Variants in ADA observed in about 807,000 individuals in gnomAD.
ADA encodes the protein adenosine deaminase.
In ADA, 45 loss-of-function variants were observed where a neutral mutation model predicts 49.0. The ratio of observed to expected loss-of-function variants is 0.92; its 90% CI spans 0.72 to 1.18. The LOEUF is 1.18. Ranked by LOEUF, ADA falls within the 50% of genes most tolerant of loss-of-function variation. The pLI, the probability that ADA is intolerant of heterozygous loss-of-function variation, is 0.00. For synonymous variants in ADA, 173 were observed against 184.2 expected, an observed-to-expected ratio of 0.94 and a Z score of 0.49; for missense variants, 445 against 472.5, an observed-to-expected ratio of 0.94 and a Z score of 0.54.
At chr20:44,647,896 A>G (rs1244514324) in intron 1 of ADA, among the ~76,000 whole-genome samples, 1 of 151,908 alleles carries the variant, frequency 6.6e-6, no homozygotes, top group Non-Finnish European at 1.5e-5. Context: ...CAGCCTGGGC[A>G]ACAGAGTGAG....
At chr20:44,644,134 C>G (rs1223040888) in intron 1 of ADA, among the ~76,000 whole-genome samples, 1 of 136,004 alleles carries the variant, frequency 7.4e-6, no homozygotes, top group East Asian at 2.9e-4. Context: ...GCCTTGGGGA[C>G]AACTAATCTG....
rs1312880394 is a variant in ADA at position 44,642,824 on chromosome 20, C to T, written c.34-6536G>A. Among the ~76,000 whole-genome samples, 3 of 152,268 alleles carry T rather than the reference C, an allele frequency of 2.0e-5. No homozygotes were observed. In the East Asian group the frequency reaches 5.8e-4, roughly 29 times the overall value. Reference sequence around the variant, plus strand: ...AAGGCAGCGTCAGAGACAGTGGGTGCTCAGCGGGGCAGAAGCCAGACAGTG... The same window carrying T: ...AAGGCAGCGTCAGAGACAGTGGGTGTTCAGCGGGGCAGAAGCCAGACAGTG... On this transcript the variant is annotated intron_variant, in intron 1 of 11. Transcript: ENST00000372874.
chr20:44,623,021 C>T lies in ADA; in HGVS notation c.664G>A (p.Glu222Lys), dbSNP rs371353841. ...TVHAGEVGSA[E>K]VVKEAVDILK... ...CAGGCCCTCACCTCTTTTACTACTT[C>T]GGCCGAGCCCACCTCCCCGGCGTGG... Residue 222 changes from glutamate to lysine, a missense_variant, in exon 7 of 12, where the codon GAA becomes AAA. By Grantham distance (56) the Glu-to-Lys change is moderately conservative. Transcript: ENST00000372874. 96 of 1,614,198 alleles carry T rather than the reference C, an allele frequency of 5.9e-5. No homozygotes were observed. Among genetic ancestry groups the T allele is most frequent in the Admixed American group, 1.2e-4 (7 of 60,028 alleles).
In ADA at chr20:44,619,847, C is replaced by T; in HGVS notation, c.1079G>A (p.Gly360Glu). The T allele has an allele frequency of 6.2e-7, 1 of 1,614,114 alleles. No homozygotes were observed. Among genetic ancestry groups the T allele is most frequent in the South Asian group, 1.1e-5 (1 of 91,072 alleles). The change falls in exon 12 of 12, where the codon GGG becomes GAG. Residue 360 changes from glycine to glutamate, a missense_variant and splice_region_variant. Physicochemically the swap from Gly to Glu is moderately conservative, Grantham distance 98 (BLOSUM62 -2). Transcript: ENST00000372874. Reference sequence around the variant, plus strand: ...GGAGTGGCGTCTTCAGAGGTTCTGCCCTGCTCGTTGGTTCAGAGAAGCAAA... The same window carrying T: ...GGAGTGGCGTCTTCAGAGGTTCTGCTCTGCTCGTTGGTTCAGAGAAGCAAA... ...AYGMPPSASA[G>E]QNL
chr20:44,640,763 G>T (rs906076503), intron 1 of ADA, among the ~76,000 whole-genome samples: 1 of 151,960 alleles, frequency 6.6e-6, no homozygotes, highest in Non-Finnish European at 1.5e-5. Context: ...GGCCCTAGAT[G>T]CAATCACATG....
intron 1 of ADA, among the ~76,000 whole-genome samples, chr20:44,639,065 G>A (rs924125494): frequency 2.6e-5 from 4 of 152,330 alleles, no homozygotes; most frequent in Admixed American, 6.5e-5. Flanking sequence ...TGCGGGCCAC[G>A]AGGAGTCAGG....
At chr20:44,620,599 A>G in intron 10 of ADA, 198 bp from the exon 11 acceptor site, 1 of 646,754 alleles carries the variant, frequency 1.5e-6, no homozygotes, top group Non-Finnish European at 2.8e-6. Flanking sequence ...ATTACATGAA[A>G]AAGGGCTGTG....
rs1483051289 is a variant in ADA at position 44,637,067 on chromosome 20, AGT to A, written c.34-781_34-780del. 2.0e-5 allele frequency among the ~76,000 whole-genome samples: 3 copies of A among 152,168 alleles called. No homozygotes were observed. In the East Asian group the frequency reaches 5.8e-4, roughly 29 times the overall value. Reference sequence around the variant, plus strand: ...GTGTCCACCCACCTCAGCCTCCCAAAGTGCTGGGATTACAGGTATGTGCCACC... The same window carrying A: ...GTGTCCACCCACCTCAGCCTCCCAAAGCTGGGATTACAGGTATGTGCCACC... On this transcript the variant is annotated intron_variant, in intron 1 of 11. Coordinates refer to ENST00000372874, the MANE Select transcript of ADA (RefSeq NM_000022.4).
chr20:44,623,806 C>T (rs1326302282), intron 6 of ADA: 7 of 273,644 alleles, frequency 2.6e-5, no homozygotes, highest in East Asian at 9.6e-5. Flanking sequence ...GGAGTGCAGT[C>T]GCATTATCAC....
At position 44,625,443 on chromosome 20, in the gene ADA, T is replaced by C. The variant is rs991684842; in HGVS notation, c.478+126A>G. The C allele has an allele frequency of 4.7e-6, 4 of 852,314 alleles. No homozygotes were observed. In the African/African-American group the frequency reaches 6.7e-5, roughly 14 times the overall value. The allele number at this position is 852,314 out of a possible 1,614,324, so 52.8% of individuals were successfully genotyped here. A position where few individuals can be genotyped will look rare whatever the true frequency, so the allele number is the denominator to read the frequency against. ...TCATGAAGCCCCAAGTTCATGCCAG[T>C]GGGCTCAAGGGGACACCATGGGGCT... On this transcript the variant is annotated intron_variant, in intron 5 of 11. Coordinates refer to ENST00000372874, the MANE Select transcript of ADA (RefSeq NM_000022.4).
intron 10 of ADA, 152 bp from the exon 11 acceptor site, chr20:44,620,553 A>G: frequency 1.4e-6 from 1 of 725,302 alleles, no homozygotes; most frequent in Non-Finnish European, 2.5e-6. Context: ...AGCAAGTGCC[A>G]GAGTAGAGAC....
chr20:44,622,847 C>T lies in ADA; in HGVS notation c.762G>A (p.Gln254=). Reference sequence around the variant, plus strand: ...CGCTTACCTCGAAGTGCATGTTTTCCTGCCGCAGCCTGTTATAAAGGGCCT... The same window carrying T: ...CGCTTACCTCGAAGTGCATGTTTTCTTGCCGCAGCCTGTTATAAAGGGCCT... ...EDQALYNRLR[Q]ENMHFEICPW... Residue 254 remains glutamine, a synonymous_variant, in exon 8 of 12, where the codon CAG becomes CAA. Coordinates refer to ENST00000372874, the MANE Select transcript of ADA (RefSeq NM_000022.4). The T allele has an allele frequency of 6.2e-7, 1 of 1,614,258 alleles. No individual in the cohort carries two copies. The highest frequency in any genetic ancestry group is 8.5e-7 in the Non-Finnish European group (1 of 1,180,040).
At chr20:44,645,239 T>C (rs929879623) in intron 1 of ADA, among the ~76,000 whole-genome samples, 1 of 150,954 alleles carries the variant, frequency 6.6e-6, no homozygotes, top group Non-Finnish European at 1.5e-5. Flanking sequence ...GTATCCCAAG[T>C]CCCAGCTACT....
chr20:44,642,245 G>C (rs2065542805), intron 1 of ADA, among the ~76,000 whole-genome samples: 1 of 152,118 alleles, frequency 6.6e-6, no homozygotes, highest in South Asian at 2.1e-4. Context: ...GGTCAACCTG[G>C]GTCTCTGCAG....
intron 11 of ADA, among the ~76,000 whole-genome samples, chr20:44,620,089 G>A (rs368931272): frequency 6.6e-6 from 1 of 152,194 alleles, no homozygotes; most frequent in South Asian, 2.1e-4. Flanking sequence ...GCTTCAGAAA[G>A]TCTCCCCTTA....
intron 1 of ADA, among the ~76,000 whole-genome samples, chr20:44,648,831 C>T (rs1821935160): frequency 1.3e-5 from 2 of 152,048 alleles, no homozygotes; most frequent in Non-Finnish European, 2.9e-5. Flanking sequence ...TCGCAGGCCC[C>T]AACCCGACCC....
intron 1 of ADA, among the ~76,000 whole-genome samples, chr20:44,637,646 C>A (rs1230863198): frequency 1.2e-4 from 19 of 152,140 alleles, no homozygotes; most frequent in Admixed American, 1.2e-3. Context: ...GCTGCTGGCC[C>A]AAGGGCGTCT....
intron 1 of ADA, among the ~76,000 whole-genome samples, chr20:44,644,385 G>A (rs533974236): frequency 6.6e-5 from 10 of 152,150 alleles, no homozygotes; most frequent in South Asian, 2.1e-4. Context: ...TTATTTCCTC[G>A]TTTCCCTGTC....
chr20:44,619,621 GGC>G lies in ADA; in HGVS notation c.*211_*212del. ...AGATTCAACCATGCCCATGTGCAAG[GGC>G]GCTGGTCCCTGGCCAGGGCACATAA... On this transcript the variant is annotated 3_prime_UTR_variant, in exon 12 of 12. Transcript: ENST00000372874. 1.7e-6 allele frequency: 1 copy of G among 597,544 alleles called. No homozygotes were observed. The highest frequency in any genetic ancestry group is 3.0e-6 in the Non-Finnish European group (1 of 335,900). 37.0% of individuals were successfully genotyped at this position (597,544 alleles called of 1,614,324 possible). A position where few individuals can be genotyped will look rare whatever the true frequency, so the allele number is the denominator to read the frequency against.
Sources: gnomAD v4.1 joint callset for allele counts (sites outside exome capture counted in the v4.1 genomes callset) on GRCh38, gnomAD v4.1.1 for gene constraint, MANE v1.5 for transcripts, NCBI Gene and HGNC (gene_info 2026-07-23, HGNC 2026-07-21) for gene names.